The following CLXN variants were observed in gnomAD, a reference collection of about 807,000 sequenced individuals.
CLXN encodes the protein calaxin.
the CLXN span, chr8:48,729,685 A>C: frequency 7.0e-6 from 11 of 1,563,216 alleles, no homozygotes; most frequent in Admixed American, 1.8e-5. Flanking sequence ...TGGCCCACAA[A>C]TTTTAATAAA....
chr8:48,724,569 C>G, the CLXN span: 2 of 474,740 alleles, frequency 4.2e-6, no homozygotes, highest in African/African-American at 2.0e-5. Context: ...TTCTTGTCTT[C>G]CATCTATTTT....
the CLXN span, chr8:48,730,595 C>G: frequency 1.9e-6 from 3 of 1,612,152 alleles, no homozygotes; most frequent in Non-Finnish European, 2.5e-6. Flanking sequence ...CATGAATCCA[C>G]TCCAATACAT....
chr8:48,731,608 AG>A, the CLXN span: 1 of 910,654 alleles, frequency 1.1e-6, no homozygotes, highest in Non-Finnish European at 1.6e-6. Context: ...GACATCAAAT[AG>A]GTAATTGTCA....
the CLXN span, among the ~76,000 whole-genome samples, chr8:48,714,139 G>A: frequency 6.6e-6 from 1 of 152,178 alleles, no homozygotes; most frequent in Non-Finnish European, 1.5e-5. Flanking sequence ...TACTTAGCGG[G>A]GAGAAAAGTC....
chr8:48,717,389 C>T, the CLXN span, among the ~76,000 whole-genome samples: 2 of 151,972 alleles, frequency 1.3e-5, no homozygotes, highest in Non-Finnish European at 2.9e-5. Flanking sequence ...AATCAAAGCA[C>T]TGAAAGAAAA....
the CLXN span, chr8:48,713,922 G>T: frequency 6.6e-6 from 1 of 152,186 alleles, no homozygotes; most frequent in Non-Finnish European, 1.5e-5. Flanking sequence ...CATGCTGCTT[G>T]CGAGGTGATG....
chr8:48,729,775 T>C, the CLXN span: 3 of 1,613,622 alleles, frequency 1.9e-6, no homozygotes, highest in Non-Finnish European at 2.5e-6. Context: ...AGGGTCTTCC[T>C]CAGATGGCTG....
the CLXN span, among the ~76,000 whole-genome samples, chr8:48,717,959 A>C: frequency 6.6e-6 from 1 of 152,244 alleles, no homozygotes; most frequent in Admixed American, 6.5e-5. Flanking sequence ...AACAATAAAC[A>C]AAATGGCAAT....
At chr8:48,729,166 G>A in the CLXN span, 2 of 1,568,090 alleles carry the variant, frequency 1.3e-6, no homozygotes, top group Admixed American at 1.8e-5. Context: ...TGAGAAACAT[G>A]TTAGGCAACA....
chr8:48,722,957 G>A, the CLXN span, among the ~76,000 whole-genome samples: 1 of 152,134 alleles, frequency 6.6e-6, no homozygotes, highest in Non-Finnish European at 1.5e-5. Flanking sequence ...CTCATAGCAG[G>A]ATAGAGTAGA....
chr8:48,734,881 G>A, the CLXN span, among the ~76,000 whole-genome samples: 129 of 152,268 alleles, frequency 8.5e-4, no homozygotes, highest in African/African-American at 3.0e-3. Context: ...AGCACCAGAG[G>A]CGGAGGCCTG....
the CLXN span, among the ~76,000 whole-genome samples, chr8:48,731,987 C>G: frequency 6.6e-6 from 1 of 152,078 alleles, no homozygotes; most frequent in African/African-American, 2.4e-5. Context: ...ACTAGAGTCA[C>G]CAGTTTTCCA....
the CLXN span, among the ~76,000 whole-genome samples, chr8:48,731,142 C>G: frequency 6.6e-6 from 1 of 152,262 alleles, no homozygotes; most frequent in South Asian, 2.1e-4. Context: ...AAGATGTCAA[C>G]ATGACTTTGT....
the CLXN span, chr8:48,724,005 C>G: frequency 6.6e-6 from 1 of 152,184 alleles, no homozygotes; most frequent in Non-Finnish European, 1.5e-5. Flanking sequence ...TACATGTTCT[C>G]CCTCTGCTCA....
At chr8:48,724,694 G>T in the CLXN span, 2 of 1,465,846 alleles carry the variant, frequency 1.4e-6, no homozygotes, top group South Asian at 2.5e-5. Flanking sequence ...AGCAATATGT[G>T]TGTGCCTCCT....
chr8:48,720,037 A>C, the CLXN span, among the ~76,000 whole-genome samples: 1 of 152,212 alleles, frequency 6.6e-6, no homozygotes, highest in Non-Finnish European at 1.5e-5. Flanking sequence ...TCAGTTCCCA[A>C]ATAATACTTT....
At chr8:48,727,635 C>A in the CLXN span, among the ~76,000 whole-genome samples, 2 of 152,060 alleles carry the variant, frequency 1.3e-5, no homozygotes, top group Non-Finnish European at 2.9e-5. Context: ...GATGATAGGA[C>A]ATGTGGGTGG....
chr8:48,729,602 T>C, the CLXN span: 1 of 944,712 alleles, frequency 1.1e-6, no homozygotes, highest in South Asian at 1.9e-5. Flanking sequence ...AGGAGCATAA[T>C]TTATGTGTTT....
At chr8:48,714,307 A>T in the CLXN span, among the ~76,000 whole-genome samples, 1 of 152,216 alleles carries the variant, frequency 6.6e-6, no homozygotes, top group Admixed American at 6.5e-5. Context: ...CAGTAGTGAA[A>T]TTAAGAGAAT....
Sources: gnomAD v4.1 joint callset for allele counts (sites outside exome capture counted in the v4.1 genomes callset) on GRCh38, gnomAD v4.1.1 for gene constraint, MANE v1.5 for transcripts, NCBI Gene and HGNC (gene_info 2026-07-23, HGNC 2026-07-21) for gene names.